The following NUP98 variants were observed in gnomAD, a reference collection of about 807,000 sequenced individuals.
The protein encoded by NUP98 is nuclear pore complex protein Nup98-Nup96.
NUP98 carries 26 observed loss-of-function variants against 191.9 expected under a neutral mutation model. The observed-to-expected ratio is 0.14, with a 90% CI of 0.10 to 0.19. The LOEUF (loss-of-function observed/expected upper bound fraction) is 0.19, where lower values mean the gene tolerates loss of function less well. Among genes scored for constraint, NUP98 ranks in the 10% least tolerant of loss-of-function variants. NUP98 has a pLI of 1.00. For synonymous variants in NUP98, 808 were observed against 778.4 expected (o/e 1.04, Z -0.63); for missense variants, 1,941 against 2,178.8 (o/e 0.89, Z 2.17).
intron 8 of NUP98, among the ~76,000 whole-genome samples, chr11:3,764,753 T>C (rs2081282438): frequency 6.6e-6 from 1 of 152,220 alleles, no homozygotes; most frequent in African/African-American, 2.4e-5. Context: ...TAATTTTTTG[T>C]ATTTTTAGTA....
rs762300770 is a variant in NUP98 at position 3,720,746 on chromosome 11, C to T, written c.2226G>A (p.Glu742=). The change falls in exon 17 of 33, where the codon GAG becomes GAA. Residue 742 remains glutamate, a synonymous_variant. Transcript: ENST00000324932. ...DLAKITNEKG[E]CIVSDFTIGR... ...CAATAGTGAAATCAGAGACAATGCACTCTCCTTTTTCATTGGTAATTTTAG... is the reference window on the plus strand; with the variant it reads ...CAATAGTGAAATCAGAGACAATGCATTCTCCTTTTTCATTGGTAATTTTAG... 1 of 1,597,124 alleles carries T rather than the reference C, an allele frequency of 6.3e-7. No individual in the cohort carries two copies. The highest frequency in any genetic ancestry group is 1.1e-5 in the South Asian group (1 of 90,642).
Position 3,700,789 on chromosome 11 carries a change from T to C in NUP98, c.3563A>G (p.Gln1188Arg). 1 of 1,614,170 alleles carries C rather than the reference T, an allele frequency of 6.2e-7. No individual in the cohort carries two copies. The highest frequency in any genetic ancestry group is 8.5e-7 in the Non-Finnish European group (1 of 1,180,024). ...KVHLEKLSLR[Q>R]RKPDEDMKLY... The stretch of plus-strand genomic sequence containing the variant: ...TTTCATGTCTTCATCTGGCTTTCTT[T>C]GTCTCAAACTGAGTTTTTCTAAGTG... The change falls in exon 24 of 33, where the codon CAA becomes CGA. Residue 1188 changes from glutamine to arginine, a missense_variant. Gln to Arg is a conservative substitution (Grantham distance 43). Transcript: ENST00000324932.
intron 8 of NUP98, among the ~76,000 whole-genome samples, chr11:3,763,356 G>C (rs978119214): frequency 1.3e-5 from 2 of 152,026 alleles, no homozygotes; most frequent in Non-Finnish European, 2.9e-5. Flanking sequence ...TAAATAATAA[G>C]ACTTTAACTC....
chr11:3,729,132 T>A (rs1250652475), intron 14 of NUP98, among the ~76,000 whole-genome samples: 1 of 152,026 alleles, frequency 6.6e-6, no homozygotes, highest in Non-Finnish European at 1.5e-5. Flanking sequence ...GAGGTCTGGG[T>A]TGGAGATAAA....
chr11:3,702,667 C>T lies in NUP98; in HGVS notation c.3308G>A (p.Arg1103His), dbSNP rs150762999. Residue 1103 changes from arginine (R) to histidine (H), a missense_variant, in exon 23 of 33, where the codon CGT becomes CAT. Arg to His is a conservative substitution (Grantham distance 29, BLOSUM62 0). Around this residue, in one of 6 missense-constraint regions of NUP98, gnomAD observed 1,030 missense variants for 1,115.8 expected, o/e 0.92. Coordinates refer to ENST00000324932, the MANE Select transcript of NUP98 (RefSeq NM_016320.5). Reference sequence around the variant, plus strand: ...CTTGCCATAGGTGACAGACTTTTCACGAGGGACTAGGCCTAGTTGCCTACG... The same window carrying T: ...CTTGCCATAGGTGACAGACTTTTCATGAGGGACTAGGCCTAGTTGCCTACG... ...GTRRQLGLVP[R>H]EKSVTYGKGK... is the part of the protein sequence containing the mutation. The T allele has an allele frequency of 1.9e-4, 302 of 1,614,122 alleles. No homozygotes were observed. Among genetic ancestry groups the T allele is most frequent in the Middle Eastern group, 6.6e-4 (4 of 6,062 alleles).
intron 14 of NUP98, among the ~76,000 whole-genome samples, chr11:3,726,001 C>T (rs1327131132): frequency 6.6e-6 from 1 of 152,110 alleles, no homozygotes; most frequent in African/African-American, 2.4e-5. Flanking sequence ...TTTGTTGAAA[C>T]AAGGTTTCGC....
chr11:3,791,272 C>T (rs2082337773), intron 1 of NUP98, among the ~76,000 whole-genome samples: 1 of 151,930 alleles, frequency 6.6e-6, no homozygotes, highest in Non-Finnish European at 1.5e-5. Flanking sequence ...GTGGCTCACA[C>T]CTGTAATCCT....
chr11:3,693,407 A>G (rs1392292264), intron 26 of NUP98, 32 bp from the exon 27 acceptor site: 5 of 1,611,512 alleles, frequency 3.1e-6, no homozygotes, highest in East Asian at 2.2e-5. Flanking sequence ...CCATGGCTAT[A>G]TTCTACCTTG....
chr11:3,779,338 T>A, intron 2 of NUP98, 81 bp from the exon 3 acceptor site: 1 of 1,175,550 alleles, frequency 8.5e-7, no homozygotes, highest in Non-Finnish European at 1.3e-6. Context: ...CATTTTAATA[T>A]TTCTTAAAAT....
chr11:3,707,641 G>A (rs2078897716), intron 20 of NUP98, among the ~76,000 whole-genome samples: 1 of 147,836 alleles, frequency 6.8e-6, no homozygotes, highest in African/African-American at 2.5e-5. Flanking sequence ...ACAGGCACAT[G>A]CCTATAATCC....
At chr11:3,749,225 G>A (rs1014574694) in intron 11 of NUP98, among the ~76,000 whole-genome samples, 22 of 151,666 alleles carry the variant, frequency 1.5e-4, no homozygotes, top group African/African-American at 3.1e-4. Context: ...GGAGAATGGC[G>A]TGAACCCGGG....
chr11:3,724,811 A>C (rs926947651), intron 15 of NUP98, among the ~76,000 whole-genome samples: 1 of 151,244 alleles, frequency 6.6e-6, no homozygotes, highest in African/African-American at 2.4e-5. Context: ...ATCATCACAG[A>C]CAAAATATCC....
chr11:3,737,852 C>T (rs1021401572), intron 12 of NUP98, among the ~76,000 whole-genome samples: 1 of 150,612 alleles, frequency 6.6e-6, no homozygotes, highest in Non-Finnish European at 1.5e-5. Context: ...TTCCTAAATC[C>T]AATTTAAGAG....
At chr11:3,769,111 A>C (rs74049702) in intron 7 of NUP98, among the ~76,000 whole-genome samples, 18 of 152,280 alleles carry the variant, frequency 1.2e-4, no homozygotes, top group Admixed American at 2.6e-4. Context: ...TCCAGCCCAG[A>C]GTCTGATATG....
intron 22 of NUP98, among the ~76,000 whole-genome samples, chr11:3,704,847 A>G (rs967747861): frequency 3.3e-5 from 5 of 152,198 alleles, no homozygotes; most frequent in African/African-American, 1.2e-4. Flanking sequence ...CTCTATAAAC[A>G]TTTAAAAAAA....
At chr11:3,787,397 T>C (rs367968755) in intron 1 of NUP98, among the ~76,000 whole-genome samples, 21 of 151,680 alleles carry the variant, frequency 1.4e-4, no homozygotes, top group African/African-American at 4.8e-4. Context: ...GACTGGCCAA[T>C]AGGGTGAAAC....
intron 12 of NUP98, among the ~76,000 whole-genome samples, chr11:3,736,158 C>G (rs2080053147): frequency 1.3e-5 from 2 of 151,894 alleles, no homozygotes; most frequent in African/African-American, 4.8e-5. Flanking sequence ...TCTTGAACTC[C>G]TGAAATTGAA....
intron 1 of NUP98, among the ~76,000 whole-genome samples, chr11:3,783,505 C>G (rs987324857): frequency 6.6e-6 from 1 of 152,164 alleles, no homozygotes; most frequent in Admixed American, 6.5e-5. Context: ...TCAAGACCAG[C>G]CTGGTCAACA....
At chr11:3,780,541 CAAAAAAAAAAAAAA>C (rs142060672) in intron 2 of NUP98, among the ~76,000 whole-genome samples, 2 of 74,824 alleles carry the variant, frequency 2.7e-5, no homozygotes, top group African/African-American at 5.1e-5. Context: ...GACTCCATCT[CAAAAAAAAAAAAAA>C]AAAAAAAGAA....
Sources: gnomAD v4.1 joint callset for allele counts (sites outside exome capture counted in the v4.1 genomes callset) on GRCh38, gnomAD v4.1.1 for gene constraint, gnomAD v4.1.1 regional missense constraint, MANE v1.5 for transcripts, NCBI Gene and HGNC (gene_info 2026-07-23, HGNC 2026-07-21) for gene names.